The following GNG7 variants were observed in gnomAD, a reference collection of about 807,000 sequenced individuals.
GNG7 encodes G protein subunit gamma 7.
Under a neutral mutation model 4.0 loss-of-function variants are expected in GNG7, and 1 was observed. The ratio of observed to expected loss-of-function variants is 0.25; its 90% CI spans 0.09 to 1.18. The LOEUF (loss-of-function observed/expected upper bound fraction) is 1.18. Ranked by LOEUF, GNG7 falls within the 50% of genes most tolerant of loss-of-function variation. GNG7 has a pLI of 0.50. For synonymous variants in GNG7, 34 were observed against 36.9 expected, an observed-to-expected ratio of 0.92 and a Z score of 0.29; for missense variants, 86 against 91.9, an observed-to-expected ratio of 0.94 and a Z score of 0.26.
chr19:2,540,723 C>A (rs1215413492), intron 3 of GNG7, among the ~76,000 whole-genome samples: 1 of 152,232 alleles, frequency 6.6e-6, no homozygotes, highest in African/African-American at 2.4e-5. Flanking sequence ...GCGGGACAGA[C>A]TGGCTTCCCT....
intron 2 of GNG7, among the ~76,000 whole-genome samples, chr19:2,607,158 C>A (rs1036729471): frequency 6.6e-6 from 1 of 150,640 alleles, no homozygotes; most frequent in Non-Finnish European, 1.5e-5. Flanking sequence ...GAGGTTGAGG[C>A]TGCAGTGAGC....
chr19:2,581,366 C>G (rs1980501321), intron 2 of GNG7, among the ~76,000 whole-genome samples: 1 of 151,276 alleles, frequency 6.6e-6, no homozygotes, highest in African/African-American at 2.4e-5. Context: ...TCTCGGGTGG[C>G]CTGGAGCACC....
chr19:2,604,351 G>A (rs1981308375), intron 2 of GNG7, among the ~76,000 whole-genome samples: 1 of 151,536 alleles, frequency 6.6e-6, no homozygotes, highest in African/African-American at 2.4e-5. Context: ...GTGTGCTTGT[G>A]GTCCCAGCTA....
chr19:2,529,664 G>A lies in GNG7; in HGVS notation c.-37-8939C>T, dbSNP rs1273508065. Among the ~76,000 whole-genome samples the A allele has an allele frequency of 5.3e-5, 8 of 152,190 alleles. No individual in the cohort carries two copies. In the East Asian group the frequency reaches 9.6e-4, roughly 18 times the overall value. Reference sequence around the variant, plus strand: ...GACCAGTCATGCTTAGATCATTTCCGTGTCATTTATGGACTCGATGAGAGA... The same window carrying A: ...GACCAGTCATGCTTAGATCATTTCCATGTCATTTATGGACTCGATGAGAGA... On this transcript the variant is annotated intron_variant, in intron 3 of 4. Transcript: ENST00000382159.
intron 2 of GNG7, among the ~76,000 whole-genome samples, chr19:2,563,321 G>C (rs1036110746): frequency 5.3e-5 from 8 of 152,064 alleles, no homozygotes; most frequent in African/African-American, 1.9e-4. Flanking sequence ...TCATTCTCTG[G>C]GGTGGGGCCG....
chr19:2,553,710 AAT>A (rs1207205503), intron 3 of GNG7, among the ~76,000 whole-genome samples: 2 of 130,822 alleles, frequency 1.5e-5, no homozygotes, highest in Non-Finnish European at 1.6e-5. Context: ...CATTACATAT[AAT>A]ATATTACATA....
chr19:2,576,055 ACACT>A (rs1422621101), intron 2 of GNG7, among the ~76,000 whole-genome samples: 1 of 149,678 alleles, frequency 6.7e-6, no homozygotes, highest in African/African-American at 2.5e-5. Flanking sequence ...ACACATGCTC[ACACT>A]CAGGTACACG....
At chr19:2,518,414 G>T (rs1978293038) in intron 4 of GNG7, among the ~76,000 whole-genome samples, 1 of 152,216 alleles carries the variant, frequency 6.6e-6, no homozygotes, top group African/African-American at 2.4e-5. Flanking sequence ...TGCTTTGAAT[G>T]CTCAGGTCTG....
chr19:2,594,925 C>T (rs1337997160), intron 2 of GNG7: 1 of 151,922 alleles, frequency 6.6e-6, no homozygotes, highest in Non-Finnish European at 1.5e-5. Flanking sequence ...TGAGACCAGC[C>T]TGGGCAACAT....
At chr19:2,650,262 G>A (rs956215615) in intron 1 of GNG7, among the ~76,000 whole-genome samples, 7 of 147,118 alleles carry the variant, frequency 4.8e-5, no homozygotes, top group Non-Finnish European at 3.0e-5. Flanking sequence ...CTCGGCTCAC[G>A]GCAACCTCCA....
intron 1 of GNG7, among the ~76,000 whole-genome samples, chr19:2,676,260 G>A (rs1983590871): frequency 2.0e-5 from 3 of 152,146 alleles, no homozygotes. Flanking sequence ...TTTGAGCCAT[G>A]CAGGTTGAAG....
intron 1 of GNG7, among the ~76,000 whole-genome samples, chr19:2,673,662 C>A (rs1368565585): frequency 6.7e-6 from 1 of 148,994 alleles, no homozygotes; most frequent in African/African-American, 2.5e-5. Context: ...CACTGGCACT[C>A]CAGCCTGGGT....
At chr19:2,569,146 C>A in intron 2 of GNG7, among the ~76,000 whole-genome samples, 1 of 152,252 alleles carries the variant, frequency 6.6e-6, no homozygotes, top group Non-Finnish European at 1.5e-5. Context: ...CACACACACA[C>A]AACTCAGTGA....
chr19:2,627,046 TCTC>T (rs1982038952), intron 2 of GNG7, among the ~76,000 whole-genome samples: 2 of 152,106 alleles, frequency 1.3e-5, no homozygotes, highest in Non-Finnish European at 2.9e-5. Flanking sequence ...CTGGGACTCA[TCTC>T]CTCTCTCTCT....
chr19:2,637,174 C>T (rs1982333682), intron 2 of GNG7, among the ~76,000 whole-genome samples: 1 of 151,614 alleles, frequency 6.6e-6, no homozygotes, highest in Admixed American at 6.6e-5. Context: ...TAACAGCAGC[C>T]CTCTGCAAAT....
At position 2,550,740 on chromosome 19, in the gene GNG7, G is replaced by A. The variant is rs74438817; in HGVS notation, c.-38+4409C>T. The stretch of plus-strand genomic sequence containing the variant: ...GGCCTTGCCACATCTTTTGGTTGCC[G>A]AGCCTCAGTTTCCCCACCTATAAAA... On this transcript the variant is annotated intron_variant, in intron 3 of 4. Transcript: ENST00000382159. Among the ~76,000 whole-genome samples the A allele has an allele frequency of 5.8e-3, 886 of 152,282 alleles. 31 individuals are homozygous for A. The highest frequency in any genetic ancestry group is 0.021 in the East Asian group (107 of 5,174).
chr19:2,512,484 T>A lies in GNG7; in HGVS notation c.*2538A>T. 2.0e-6 allele frequency: 1 copy of A among 496,460 alleles called. No homozygotes were observed. Among genetic ancestry groups the A allele is most frequent in the East Asian group, 1.5e-4 (1 of 6,632 alleles). The allele number at this position is 496,460 out of a possible 1,614,324, so 30.8% of individuals were successfully genotyped here. ...GGACAGCTCAGGGAACCCAAGGCCC[T>A]GTGGACAGTGAAGGAGAGGCCAGCC... On this transcript the variant is annotated 3_prime_UTR_variant, in exon 5 of 5. Coordinates refer to ENST00000382159, the MANE Select transcript of GNG7 (RefSeq NM_052847.3). This position sits in a 1 kb window ranked among gnomAD's most constrained non-coding sequence, Gnocchi z 4.7.
At chr19:2,637,540 A>G (rs1376241493) in intron 2 of GNG7, among the ~76,000 whole-genome samples, 4 of 152,198 alleles carry the variant, frequency 2.6e-5, no homozygotes, top group Admixed American at 6.5e-5. Flanking sequence ...GAGGTGCTCA[A>G]TGAATGACTA....
At chr19:2,688,637 A>G (rs1215337125) in intron 1 of GNG7, among the ~76,000 whole-genome samples, 1 of 152,190 alleles carries the variant, frequency 6.6e-6, no homozygotes, top group Non-Finnish European at 1.5e-5. Context: ...CATCTAAGAC[A>G]TGGTCCCAAC....
Sources: allele counts gnomAD v4.1 joint callset (sites outside exome capture counted in the v4.1 genomes callset), GRCh38; gene constraint gnomAD v4.1.1; non-coding constraint Gnocchi (gnomAD v3.1); transcripts MANE v1.5; gene names NCBI Gene and HGNC (gene_info 2026-07-23, HGNC 2026-07-21).